Variants in TTC29 observed in about 807,000 individuals in gnomAD.
TTC29 encodes tetratricopeptide repeat domain 29, also known as tetratricopeptide repeat protein 29.
In TTC29, 49 loss-of-function variants were observed where a neutral mutation model predicts 58.1. That is an observed-to-expected ratio of 0.84 (90% CI 0.67 to 1.07). The LOEUF (loss-of-function observed/expected upper bound fraction) is 1.07, where lower values mean the gene tolerates loss of function less well. TTC29 is among the 50% of genes least tolerant of loss of function. The probability of loss-of-function intolerance (pLI) is 0.00; values close to 1 mark genes in which losing one functional copy is unlikely to be tolerated. For synonymous variants in TTC29, 209 were observed against 196.8 expected (o/e 1.06, Z -0.52); for missense variants, 582 against 555.6 (o/e 1.05, Z -0.48).
chr4:146,922,841 C>T (rs1031489406), intron 4 of TTC29, among the ~76,000 whole-genome samples: 5 of 151,606 alleles, frequency 3.3e-5, no homozygotes, highest in African/African-American at 9.7e-5. Context: ...TCATGTTAAA[C>T]TTTATTGCAG....
At chr4:146,776,091 T>C (rs1301342947) in intron 11 of TTC29, among the ~76,000 whole-genome samples, 1 of 152,248 alleles carries the variant, frequency 6.6e-6, no homozygotes, top group Admixed American at 6.5e-5. Context: ...TTTTAATATT[T>C]GCAATTGTAT....
chr4:146,869,923 C>T (rs971651046), intron 7 of TTC29, among the ~76,000 whole-genome samples: 16 of 151,944 alleles, frequency 1.1e-4, no homozygotes, highest in African/African-American at 3.9e-4. Context: ...AAGGTTAGAT[C>T]TAAAATCTTG....
intron 8 of TTC29, among the ~76,000 whole-genome samples, chr4:146,847,726 G>A (rs1333760482): frequency 6.6e-6 from 1 of 152,334 alleles, no homozygotes; most frequent in East Asian, 1.9e-4. Context: ...AATGCTGAGT[G>A]AGCCACGGAC....
At chr4:146,839,559 T>C (rs1166262302) in intron 8 of TTC29, among the ~76,000 whole-genome samples, 1 of 151,578 alleles carries the variant, frequency 6.6e-6, no homozygotes, top group Non-Finnish European at 1.5e-5. Flanking sequence ...TGTGTGTGTG[T>C]GTGTGTGTGT....
At chr4:146,712,825 G>C (rs1742609774) in intron 11 of TTC29, among the ~76,000 whole-genome samples, 1 of 152,108 alleles carries the variant, frequency 6.6e-6, no homozygotes, top group Admixed American at 6.6e-5. Flanking sequence ...GGTAAAGAGA[G>C]AGGATGGTGC....
At chr4:146,723,342 T>TGAC (rs1308698295) in intron 11 of TTC29, among the ~76,000 whole-genome samples, 1 of 152,100 alleles carries the variant, frequency 6.6e-6, no homozygotes, top group Non-Finnish European at 1.5e-5. Flanking sequence ...AAATAATTTA[T>TGAC]GACTCAGTCC....
chr4:146,939,768 T>G lies in TTC29; in HGVS notation c.92+36A>C, dbSNP rs1322884849. The G allele has an allele frequency of 3.2e-6, 5 of 1,546,274 alleles. No homozygotes were observed. In the Admixed American group the frequency reaches 9.8e-5, roughly 30 times the overall value. On this transcript the variant is annotated intron_variant, in intron 3 of 12. Coordinates refer to ENST00000325106, the MANE Select transcript of TTC29 (RefSeq NM_031956.4). ...ACATTTCTTATTACAGAAAATTCCTTCTGTAGGAAAATAAGTAAAAACCAG... is the reference window on the plus strand; with the variant it reads ...ACATTTCTTATTACAGAAAATTCCTGCTGTAGGAAAATAAGTAAAAACCAG...
chr4:146,816,896 T>C (rs1367042842), intron 10 of TTC29, among the ~76,000 whole-genome samples: 2 of 152,172 alleles, frequency 1.3e-5, no homozygotes, highest in East Asian at 1.9e-4. Context: ...CAGAATACTG[T>C]AGTGGTTAGG....
chr4:146,936,681 C>A (rs1175429376), intron 4 of TTC29, among the ~76,000 whole-genome samples: 1 of 151,932 alleles, frequency 6.6e-6, no homozygotes, highest in African/African-American at 2.4e-5. Flanking sequence ...ATGTTATATG[C>A]AAATTGACAA....
At chr4:146,738,312 C>T (rs1012162488) in intron 11 of TTC29, among the ~76,000 whole-genome samples, 3 of 152,088 alleles carry the variant, frequency 2.0e-5, no homozygotes, top group Non-Finnish European at 4.4e-5. Context: ...TTTAAGGAGC[C>T]TCAGAGCAAG....
intron 11 of TTC29, among the ~76,000 whole-genome samples, chr4:146,774,804 T>G (rs754715588): frequency 2.6e-5 from 4 of 152,140 alleles, no homozygotes; most frequent in Non-Finnish European, 5.9e-5. Flanking sequence ...TCAATCTGTA[T>G]CTCAGATCTG....
chr4:146,937,522 T>A, intron 4 of TTC29, 72 bp downstream of exon 4: 1 of 1,019,082 alleles, frequency 9.8e-7, no homozygotes, highest in Non-Finnish European at 1.4e-6. Flanking sequence ...ACAGGAAAAT[T>A]GAAATTTCAA....
intron 4 of TTC29, among the ~76,000 whole-genome samples, chr4:146,934,514 A>C (rs1156498849): frequency 6.6e-6 from 1 of 152,118 alleles, no homozygotes; most frequent in East Asian, 1.9e-4. Context: ...GGATCTAAAA[A>C]CTTTCAGCTT....
At chr4:146,764,807 T>C (rs995619855) in intron 11 of TTC29, among the ~76,000 whole-genome samples, 2 of 152,042 alleles carry the variant, frequency 1.3e-5, no homozygotes, top group African/African-American at 2.4e-5. Flanking sequence ...ACTGAATAAA[T>C]TCAGTTCAAA....
chr4:146,871,884 C>A (rs187253947), intron 7 of TTC29, among the ~76,000 whole-genome samples: 176 of 152,028 alleles, frequency 1.2e-3, no homozygotes, highest in African/African-American at 4.0e-3. Flanking sequence ...CCCCTTTCTG[C>A]AGAAATTAAC....
intron 11 of TTC29, among the ~76,000 whole-genome samples, chr4:146,768,396 A>G (rs536903588): frequency 2.0e-5 from 3 of 152,146 alleles, no homozygotes; most frequent in African/African-American, 4.8e-5. Flanking sequence ...CATGGATTAC[A>G]TTTTGAAAAG....
At chr4:146,929,182 T>G (rs1473628861) in intron 4 of TTC29, among the ~76,000 whole-genome samples, 1 of 152,138 alleles carries the variant, frequency 6.6e-6, no homozygotes, top group East Asian at 1.9e-4. Context: ...AAACAAAAAC[T>G]AATAAAGCAA....
chr4:146,746,084 T>C (rs966244301), intron 11 of TTC29, among the ~76,000 whole-genome samples: 2 of 152,194 alleles, frequency 1.3e-5, no homozygotes, highest in Admixed American at 6.5e-5. Flanking sequence ...AGAAGCTCAG[T>C]CTCCTAGAGT....
At chr4:146,745,731 A>G (rs2150040984) in intron 11 of TTC29, among the ~76,000 whole-genome samples, 1 of 152,362 alleles carries the variant, frequency 6.6e-6, no homozygotes, top group Non-Finnish European at 1.5e-5. Context: ...GCTGTTTTCA[A>G]TAATTTATAT....
Sources: gnomAD v4.1 joint callset for allele counts (sites outside exome capture counted in the v4.1 genomes callset) on GRCh38, gnomAD v4.1.1 for gene constraint, MANE v1.5 for transcripts, NCBI Gene and HGNC (gene_info 2026-07-23, HGNC 2026-07-21) for gene names.